Variants in HCN1 observed in about 807,000 individuals in gnomAD.
HCN1 encodes the protein potassium/sodium hyperpolarization-activated cyclic nucleotide-gated channel 1.
In HCN1, 13 loss-of-function variants were observed where a neutral mutation model predicts 78.9. That is an observed-to-expected ratio of 0.16 (90% CI 0.11 to 0.26). The LOEUF is 0.26. HCN1 is among the 10% of genes least tolerant of loss of function. HCN1 has a pLI of 1.00. For missense variants in HCN1, 810 were observed against 1,154.3 expected, an observed-to-expected ratio of 0.70 and a Z score of 4.32; for synonymous variants, 552 against 455.5, an observed-to-expected ratio of 1.21 and a Z score of -2.70.
intron 6 of HCN1, among the ~76,000 whole-genome samples, chr5:45,288,451 G>C (rs1218918520): frequency 6.6e-6 from 1 of 151,862 alleles, no homozygotes. Flanking sequence ...CGGAATCATT[G>C]GTCTGAAAGG....
intron 4 of HCN1, among the ~76,000 whole-genome samples, chr5:45,375,306 CAATA>C (rs1747597710): frequency 9.8e-6 from 1 of 101,822 alleles, no homozygotes; most frequent in South Asian, 2.9e-4. Context: ...TCATGATATA[CAATA>C]TATATAATAT....
At chr5:45,661,449 A>T (rs1358555001) in intron 1 of HCN1, among the ~76,000 whole-genome samples, 3 of 146,454 alleles carry the variant, frequency 2.0e-5, no homozygotes, top group Admixed American at 6.9e-5. Flanking sequence ...AGAAATAACT[A>T]AAATCAGAGC....
At chr5:45,672,018 A>G (rs1436124131) in intron 1 of HCN1, among the ~76,000 whole-genome samples, 4 of 151,586 alleles carry the variant, frequency 2.6e-5, no homozygotes, top group Non-Finnish European at 5.9e-5. Flanking sequence ...CTGAATTTCA[A>G]CAATGTCATG....
chr5:45,669,299 G>C (rs1480916190), intron 1 of HCN1, among the ~76,000 whole-genome samples: 3 of 151,804 alleles, frequency 2.0e-5, no homozygotes, highest in Non-Finnish European at 1.5e-5. Context: ...TACTTGAAGA[G>C]AGGAAGTTGA....
At chr5:45,583,965 G>A (rs576910271) in intron 2 of HCN1, among the ~76,000 whole-genome samples, 1 of 152,216 alleles carries the variant, frequency 6.6e-6, no homozygotes, top group South Asian at 2.1e-4. Flanking sequence ...GGTCAATTTT[G>A]GAATAGGTGT....
At chr5:45,427,036 C>T (rs1740366288) in intron 3 of HCN1, among the ~76,000 whole-genome samples, 1 of 151,700 alleles carries the variant, frequency 6.6e-6, no homozygotes. Flanking sequence ...ATAATACATA[C>T]CTATAATATG....
At chr5:45,679,259 C>T (rs1033858362) in intron 1 of HCN1, among the ~76,000 whole-genome samples, 1 of 151,984 alleles carries the variant, frequency 6.6e-6, no homozygotes, top group Non-Finnish European at 1.5e-5. Flanking sequence ...AGGAAACAAA[C>T]AGTACCTGTC....
intron 3 of HCN1, among the ~76,000 whole-genome samples, chr5:45,444,792 T>G (rs1039928665): frequency 3.3e-5 from 5 of 151,434 alleles, no homozygotes; most frequent in African/African-American, 9.8e-5. Flanking sequence ...TTTTTTCTTT[T>G]TCTTTCTTTT....
intron 2 of HCN1, among the ~76,000 whole-genome samples, chr5:45,581,570 G>C (rs921402303): frequency 6.6e-6 from 1 of 152,134 alleles, no homozygotes; most frequent in Non-Finnish European, 1.5e-5. Flanking sequence ...ATTGCTTTTG[G>C]TGTTTTAAAC....
At chr5:45,447,057 T>G (rs1009392837) in intron 3 of HCN1, among the ~76,000 whole-genome samples, 1 of 151,858 alleles carries the variant, frequency 6.6e-6, no homozygotes, top group Admixed American at 6.6e-5. Context: ...TAAATGTAAA[T>G]GGACTTAACG....
At position 45,333,076 on chromosome 5, in the gene HCN1, T is replaced by C. The variant is rs1017050445; in HGVS notation, c.1377+20024A>G. Among the ~76,000 whole-genome samples, 3 of 151,756 alleles carry C rather than the reference T, an allele frequency of 2.0e-5. No homozygotes were observed. In the East Asian group the frequency reaches 5.8e-4, roughly 29 times the overall value. ...TGAGGAAGCTCCAAACTGTTTTCCA[T>C]AGTGGTCGTACTAATTTACATTCCC... On this transcript the variant is annotated intron_variant, in intron 5 of 7. Transcript: ENST00000303230.
At chr5:45,357,998 C>T (rs924584980) in intron 4 of HCN1, among the ~76,000 whole-genome samples, 1 of 152,014 alleles carries the variant, frequency 6.6e-6, no homozygotes, top group Admixed American at 6.6e-5. Flanking sequence ...TGTGCATACT[C>T]CTGCTCCCCT....
At chr5:45,566,400 T>A (rs1743707678) in intron 2 of HCN1, among the ~76,000 whole-genome samples, 1 of 152,170 alleles carries the variant, frequency 6.6e-6, no homozygotes, top group Non-Finnish European at 1.5e-5. Context: ...TACTAGATAG[T>A]TTACTATTTC....
rs1244449353 is a variant in HCN1 at position 45,645,517 on chromosome 5, T to G, written c.517A>C (p.Thr173Pro). 21 of 1,612,620 alleles carry G rather than the reference T, an allele frequency of 1.3e-5. No individual in the cohort carries two copies. The highest frequency in any genetic ancestry group is 1.8e-5 in the Non-Finnish European group (21 of 1,179,140). Residue 173 changes from threonine (T) to proline (P), a missense_variant, in exon 2 of 8, where the codon ACA becomes CCA. Around this residue, in one of 6 missense-constraint regions of HCN1, gnomAD observed 104 missense variants for 402.8 expected, o/e 0.26. Coordinates refer to ENST00000303230, the MANE Select transcript of HCN1 (RefSeq NM_021072.4). ...GCCACATTGAAAATAATCCATGGTG[T>G]TGTTGTTTGCTCTGTAAAGAATGTG... ...GITFFTEQTTTPWIIFNVASD... is the reference protein window; with the variant it reads ...GITFFTEQTTPPWIIFNVASD...
intron 3 of HCN1, among the ~76,000 whole-genome samples, chr5:45,402,291 T>C (rs921733691): frequency 6.6e-6 from 1 of 152,174 alleles, no homozygotes; most frequent in African/African-American, 2.4e-5. Flanking sequence ...TTTAGGAAGA[T>C]TGATCAGGCA....
intron 6 of HCN1, among the ~76,000 whole-genome samples, chr5:45,290,433 C>T (rs1321454893): frequency 2.0e-5 from 3 of 151,962 alleles, no homozygotes; most frequent in South Asian, 2.1e-4. Context: ...GGGACATAAA[C>T]ATTCAGTCCT....
intron 3 of HCN1, among the ~76,000 whole-genome samples, chr5:45,402,814 T>G (rs1173480273): frequency 5.5e-5 from 1 of 18,078 alleles, no homozygotes; most frequent in Non-Finnish European, 1.1e-4. Flanking sequence ...CTTTCTTTCC[T>G]CCTTCCTTCC....
intron 2 of HCN1, among the ~76,000 whole-genome samples, chr5:45,637,023 C>T (rs1427962047): frequency 6.6e-6 from 1 of 152,142 alleles, no homozygotes; most frequent in East Asian, 1.9e-4. Context: ...TCAACAATAA[C>T]ATCTCATTTG....
intron 2 of HCN1, among the ~76,000 whole-genome samples, chr5:45,602,349 ACACACAAAGAGACGTCATGGATGTG>A (rs1392401329): frequency 6.6e-6 from 1 of 152,120 alleles, no homozygotes; most frequent in South Asian, 2.1e-4. Context: ...GGTCATTTGG[ACACACAAAGAGACGTCATGGATGTG>A]CACACAGAGG....
Sources: gnomAD v4.1 joint callset for allele counts (sites outside exome capture counted in the v4.1 genomes callset) on GRCh38, gnomAD v4.1.1 for gene constraint, gnomAD v4.1.1 regional missense constraint, MANE v1.5 for transcripts, NCBI Gene and HGNC (gene_info 2026-07-23, HGNC 2026-07-21) for gene names.